KLHL1: variants seen among roughly 807,000 people sequenced by gnomAD.
KLHL1 encodes the protein kelch like family member 1.
In KLHL1, 47 loss-of-function variants were observed where a neutral mutation model predicts 77.7. The ratio of observed to expected loss-of-function variants is 0.60; its 90% CI spans 0.48 to 0.77. The LOEUF is 0.77. KLHL1 is among the 30% of genes least tolerant of loss of function. The probability of loss-of-function intolerance (pLI) is 0.00; values close to 1 mark genes in which losing one functional copy is unlikely to be tolerated. For synonymous variants in KLHL1, 360 were observed against 325.2 expected (o/e 1.11, Z -1.15); for missense variants, 925 against 910.8 (o/e 1.02, Z -0.20).
intron 1 of KLHL1, among the ~76,000 whole-genome samples, chr13:70,040,464 ATTC>A (rs1474391723): frequency 6.6e-6 from 1 of 152,192 alleles, no homozygotes; most frequent in Non-Finnish European, 1.5e-5. Flanking sequence ...ATTTTAAAAA[ATTC>A]TTCTTATTCC....
intron 4 of KLHL1, among the ~76,000 whole-genome samples, chr13:69,925,744 CA>C (rs1882794965): frequency 1.3e-5 from 2 of 152,120 alleles, no homozygotes; most frequent in African/African-American, 4.8e-5. Flanking sequence ...AAGTTAATTT[CA>C]ACATTATTTT....
chr13:69,951,752 T>C (rs147454050), intron 3 of KLHL1, among the ~76,000 whole-genome samples: 1,834 of 151,516 alleles, frequency 0.012, 17 homozygotes, highest in Middle Eastern at 0.048. Context: ...GCTGCTACCA[T>C]TATGGGTCAT....
chr13:70,038,772 G>C (rs2137376426), intron 1 of KLHL1, among the ~76,000 whole-genome samples: 1 of 151,656 alleles, frequency 6.6e-6, no homozygotes, highest in Admixed American at 6.6e-5. Context: ...TGCATTTTTA[G>C]TAGAGACAGG....
At chr13:69,768,087 T>G (rs1242235544) in intron 7 of KLHL1, among the ~76,000 whole-genome samples, 15 of 152,176 alleles carry the variant, frequency 9.9e-5, no homozygotes. Context: ...TTGCACTCTG[T>G]GCTGAGAAAG....
chr13:69,862,966 A>G (rs1880231927), intron 5 of KLHL1, among the ~76,000 whole-genome samples: 1 of 152,154 alleles, frequency 6.6e-6, no homozygotes, highest in African/African-American at 2.4e-5. Context: ...CATCTGATTT[A>G]CAACAATCTA....
chr13:70,007,341 T>C (rs1885429773), intron 1 of KLHL1, among the ~76,000 whole-genome samples: 1 of 151,940 alleles, frequency 6.6e-6, no homozygotes, highest in Admixed American at 6.6e-5. Context: ...TCCCAGCAAT[T>C]GCTCATACAC....
chr13:69,980,734 T>C (rs1254663755), intron 1 of KLHL1, among the ~76,000 whole-genome samples: 3 of 152,128 alleles, frequency 2.0e-5, no homozygotes, highest in South Asian at 2.1e-4. Flanking sequence ...TACATGAGTA[T>C]ATTGTGTGGT....
chr13:69,719,490 G>A lies in KLHL1; in HGVS notation c.1894C>T (p.Pro632Ser), dbSNP rs141275075. The change falls in exon 9 of 11, where the codon CCC (proline) becomes TCC (serine). Residue 632 changes from proline (P) to serine (S), a missense_variant. Physicochemically the swap from Pro to Ser is moderately conservative, Grantham distance 74. Transcript: ENST00000377844. ...PHTNKWNMCA[P>S]MCKRRGGVGV... ...ACACCCCCTCTCCTCTTACACATGG[G>A]AGCACACATGTTCCACTTATTTGTA... The A allele has an allele frequency of 2.1e-5, 34 of 1,613,294 alleles. No homozygotes were observed. In the Admixed American group the frequency reaches 5.5e-4, roughly 26 times the overall value.
chr13:70,005,205 C>T (rs1034085355), intron 1 of KLHL1, among the ~76,000 whole-genome samples: 1 of 151,872 alleles, frequency 6.6e-6, no homozygotes, highest in East Asian at 1.9e-4. Context: ...AAATGAATAA[C>T]TAAAATAAAT....
At chr13:69,915,263 A>T (rs1882387616) in intron 4 of KLHL1, among the ~76,000 whole-genome samples, 1 of 152,178 alleles carries the variant, frequency 6.6e-6, no homozygotes, top group African/African-American at 2.4e-5. Context: ...ATATGGAACC[A>T]AAAAAGAGCC....
At chr13:70,014,318 G>GA (rs533060046) in intron 1 of KLHL1, among the ~76,000 whole-genome samples, 234 of 152,026 alleles carry the variant, frequency 1.5e-3, no homozygotes, top group Non-Finnish European at 2.6e-3. Flanking sequence ...TCTCTGCAGG[G>GA]AAAAAAGAGA....
intron 4 of KLHL1, among the ~76,000 whole-genome samples, chr13:69,898,058 C>A (rs1393138221): frequency 6.6e-6 from 1 of 152,180 alleles, no homozygotes; most frequent in Non-Finnish European, 1.5e-5. Context: ...TCATTGGGTG[C>A]CCTCTCCTGA....
chr13:69,956,343 T>C (rs900053389), intron 3 of KLHL1, among the ~76,000 whole-genome samples: 2 of 150,728 alleles, frequency 1.3e-5, no homozygotes, highest in African/African-American at 2.4e-5. Context: ...GACATACATA[T>C]AGTAAAACTT....
chr13:70,037,701 T>G (rs2137374918), intron 1 of KLHL1, among the ~76,000 whole-genome samples: 1 of 152,240 alleles, frequency 6.6e-6, no homozygotes, highest in East Asian at 1.9e-4. Flanking sequence ...TTCATTCTTC[T>G]GTTGTGTTCC....
At chr13:70,047,417 G>A (rs868492256) in intron 1 of KLHL1, among the ~76,000 whole-genome samples, 4 of 151,916 alleles carry the variant, frequency 2.6e-5, no homozygotes, top group Non-Finnish European at 5.9e-5. Context: ...GTGTGTGTGT[G>A]TGTATAAATA....
chr13:69,972,283 A>C (rs1884404826), intron 2 of KLHL1, among the ~76,000 whole-genome samples: 1 of 151,940 alleles, frequency 6.6e-6, no homozygotes, highest in South Asian at 2.1e-4. Context: ...CTGTCTACAT[A>C]CTAGTGCACT....
rs746909985 is a variant in KLHL1 at position 70,107,647 on chromosome 13, C to T, written c.53G>A (p.Arg18His). 3 of 1,553,282 alleles carry T rather than the reference C, an allele frequency of 1.9e-6. No individual in the cohort carries two copies. The highest frequency in any genetic ancestry group is 2.0e-5 in the Admixed American group (1 of 49,848). The change falls in exon 1 of 11, where the codon CGC (arginine) becomes CAC (histidine). Residue 18 changes from arginine (R) to histidine (H), a missense_variant. By Grantham distance (29) the Arg-to-His change is conservative. Transcript: ENST00000377844. ...AGACGGGTGGCTGAAGAGTTTCCAG[C>T]GGAGTCGCAGAATGTGCTTCACATC... The part of the protein sequence containing the change: ...DFDVKHILRL[R>H]WKLFSHPSPS...
chr13:70,035,235 G>C (rs992760067), intron 1 of KLHL1, among the ~76,000 whole-genome samples: 2 of 152,062 alleles, frequency 1.3e-5, no homozygotes, highest in African/African-American at 2.4e-5. Flanking sequence ...CACATACACA[G>C]TGGAGTACTA....
At chr13:69,836,814 A>G (rs761121043) in intron 6 of KLHL1, among the ~76,000 whole-genome samples, 5 of 151,990 alleles carry the variant, frequency 3.3e-5, no homozygotes, top group Non-Finnish European at 7.4e-5. Context: ...GGATTGTACC[A>G]TAGGCTGTTA....
Sources: allele counts gnomAD v4.1 joint callset (sites outside exome capture counted in the v4.1 genomes callset), GRCh38; gene constraint gnomAD v4.1.1; transcripts MANE v1.5; gene names NCBI Gene and HGNC (gene_info 2026-07-23, HGNC 2026-07-21).